KCNIP1: variants seen among roughly 807,000 people sequenced by gnomAD.
KCNIP1 encodes the protein potassium voltage-gated channel interacting protein 1.
Under a neutral mutation model 33.0 loss-of-function variants are expected in KCNIP1, and 18 were observed. The observed-to-expected ratio is 0.55, with a 90% confidence interval of 0.38 to 0.81. The LOEUF (loss-of-function observed/expected upper bound fraction) is 0.81. Ranked by LOEUF, KCNIP1 falls within the 30% of genes least tolerant of loss-of-function variation. The pLI is 0.00. For missense variants in KCNIP1, 238 were observed against 271.6 expected, an observed-to-expected ratio of 0.88 and a Z score of 0.87; for synonymous variants, 93 against 98.3, an observed-to-expected ratio of 0.95 and a Z score of 0.32.
At chr5:170,428,161 C>T (rs1359369218) in intron 1 of KCNIP1, among the ~76,000 whole-genome samples, 1 of 152,110 alleles carries the variant, frequency 6.6e-6, no homozygotes, top group Non-Finnish European at 1.5e-5. Context: ...CCTAAATTTG[C>T]TCTACATAAG....
At chr5:170,440,549 G>A (rs1365367628) in intron 1 of KCNIP1, among the ~76,000 whole-genome samples, 1 of 152,200 alleles carries the variant, frequency 6.6e-6, no homozygotes, top group Non-Finnish European at 1.5e-5. Context: ...GAGTCAGAGG[G>A]TTTCCAGGAG....
intron 1 of KCNIP1, among the ~76,000 whole-genome samples, chr5:170,703,254 G>A (rs1291648657): frequency 2.9e-5 from 4 of 137,852 alleles, no homozygotes; most frequent in Admixed American, 1.6e-4. Context: ...GAAAGGAATT[G>A]TTGAACAGGG....
At chr5:170,634,768 A>AAGGT (rs2113681588) in intron 1 of KCNIP1, among the ~76,000 whole-genome samples, 1 of 152,334 alleles carries the variant, frequency 6.6e-6, no homozygotes, top group East Asian at 1.9e-4. Flanking sequence ...CAAAAAGAGA[A>AAGGT]AGGTCATCAT....
chr5:170,630,598 G>A (rs1760020196), intron 1 of KCNIP1, among the ~76,000 whole-genome samples: 1 of 152,200 alleles, frequency 6.6e-6, no homozygotes, highest in Non-Finnish European at 1.5e-5. Flanking sequence ...AAACAAAGGA[G>A]AGAGAGGATC....
At chr5:170,436,498 A>C (rs1175000905) in intron 1 of KCNIP1, among the ~76,000 whole-genome samples, 3 of 152,194 alleles carry the variant, frequency 2.0e-5, no homozygotes, top group African/African-American at 7.2e-5. Flanking sequence ...TTGGGTCAGC[A>C]CTGGAATCCC....
intron 1 of KCNIP1, among the ~76,000 whole-genome samples, chr5:170,413,904 C>T (rs985971444): frequency 7.6e-5 from 11 of 144,390 alleles, no homozygotes; most frequent in Non-Finnish European, 1.5e-4. Context: ...CCAACTGTAT[C>T]TGCTACCATT....
At chr5:170,459,255 A>G (rs1218737857) in intron 1 of KCNIP1, among the ~76,000 whole-genome samples, 3 of 152,292 alleles carry the variant, frequency 2.0e-5, no homozygotes, top group Non-Finnish European at 4.4e-5. Context: ...GGGGACTTCA[A>G]TACTCCACTG....
chr5:170,648,494 G>A (rs2879338), intron 1 of KCNIP1, among the ~76,000 whole-genome samples: 99,876 of 152,094 alleles, frequency 0.66, 34,158 homozygotes, highest in African/African-American at 0.85. Flanking sequence ...TGGAGGAACC[G>A]TAAGTGCACA....
intron 1 of KCNIP1, among the ~76,000 whole-genome samples, chr5:170,510,863 C>A (rs1754908776): frequency 6.6e-6 from 1 of 152,176 alleles, no homozygotes; most frequent in African/African-American, 2.4e-5. Flanking sequence ...ATTGAACTCC[C>A]TTTCATTGGT....
chr5:170,651,858 C>CT (rs1761057323), intron 1 of KCNIP1, among the ~76,000 whole-genome samples: 1 of 152,158 alleles, frequency 6.6e-6, no homozygotes, highest in Non-Finnish European at 1.5e-5. Flanking sequence ...GACTACTTGT[C>CT]TAAGATATAT....
chr5:170,495,576 A>T (rs1046505851), intron 1 of KCNIP1, among the ~76,000 whole-genome samples: 1 of 152,204 alleles, frequency 6.6e-6, no homozygotes, highest in South Asian at 2.1e-4. Context: ...TTCAGTGCCA[A>T]ACAGGCCACC....
At chr5:170,503,724 T>TCA (rs70979180), upstream of KCNIP1, among the ~76,000 whole-genome samples, 4,477 of 136,436 alleles carry the variant, frequency 0.033, 116 homozygotes, top group African/African-American at 0.067. Flanking sequence ...CGCACGCACA[T>TCA]CACACACACA....
intron 1 of KCNIP1, among the ~76,000 whole-genome samples, chr5:170,584,897 C>A (rs1351016703): frequency 6.6e-6 from 1 of 152,176 alleles, no homozygotes; most frequent in Admixed American, 6.5e-5. Context: ...CAGCCCAGAG[C>A]AGAGCAGGCC....
chr5:170,583,470 G>A (rs76531167), intron 1 of KCNIP1, among the ~76,000 whole-genome samples: 1 of 152,196 alleles, frequency 6.6e-6, no homozygotes, highest in Non-Finnish European at 1.5e-5. Context: ...AGAAGATTAG[G>A]CAAGAATGTA....
At chr5:170,630,894 C>T (rs1039836159) in intron 1 of KCNIP1, among the ~76,000 whole-genome samples, 3 of 152,050 alleles carry the variant, frequency 2.0e-5, no homozygotes. Flanking sequence ...GTGCAGCGTG[C>T]AGATAAGAGC....
Position 170,356,099 on chromosome 5 carries a change from G to T in KCNIP1, c.88+2135G>T, listed in dbSNP as rs577563652. Among the ~76,000 whole-genome samples the T allele has an allele frequency of 5.3e-5, 8 of 152,348 alleles. No homozygotes were observed. In the South Asian group the frequency reaches 1.7e-3, roughly 32 times the overall value. Reference sequence around the variant, plus strand: ...GGAGCAGGGTAGCTGAGAAAGGCCTGCAGAGAGTCCAGAAAACGGCTTTCT... The same window carrying T: ...GGAGCAGGGTAGCTGAGAAAGGCCTTCAGAGAGTCCAGAAAACGGCTTTCT... On this transcript the variant is annotated intron_variant, in intron 1 of 7. Coordinates refer to the KCNIP1 transcript ENST00000377360.
At chr5:170,595,518 C>T (rs1352116374) in intron 1 of KCNIP1, among the ~76,000 whole-genome samples, 20 of 152,226 alleles carry the variant, frequency 1.3e-4, no homozygotes, top group Non-Finnish European at 5.9e-5. Flanking sequence ...CTGCAGGACC[C>T]TCTGGGATGA....
chr5:170,506,317 C>T (rs929668480), intron 1 of KCNIP1, among the ~76,000 whole-genome samples: 2 of 152,078 alleles, frequency 1.3e-5, no homozygotes. Context: ...CCATGAAATT[C>T]GTATGCTACT....
rs148457503 is a variant in KCNIP1, at chr5:170,401,589, C to A, written c.88+47625C>A. ...GACCAGCCTGGGCAACATAGTGAGA[C>A]CCCATCTCTACAATTTCTTTTAATG... is the stretch of plus-strand genomic sequence containing the variant. On this transcript the variant is annotated intron_variant, in intron 1 of 7. Coordinates refer to the KCNIP1 transcript ENST00000377360. 1.1e-4 allele frequency among the ~76,000 whole-genome samples: 17 copies of A among 152,146 alleles called. No individual in the cohort carries two copies. In the East Asian group the frequency reaches 3.1e-3, roughly 28 times the overall value.
Sources: allele counts gnomAD v4.1 joint callset (sites outside exome capture counted in the v4.1 genomes callset), GRCh38; gene constraint gnomAD v4.1.1; transcripts MANE v1.5; gene names NCBI Gene and HGNC (gene_info 2026-07-23, HGNC 2026-07-21).